EPG5: variants seen among roughly 807,000 people sequenced by gnomAD.
The protein encoded by EPG5 is ectopic P-granules 5 autophagy tethering factor.
Under a neutral mutation model 302.7 loss-of-function variants are expected in EPG5, and 159 were observed. That is an observed-to-expected ratio of 0.53 (90% CI 0.46 to 0.60). The LOEUF (loss-of-function observed/expected upper bound fraction) is 0.60. Among genes scored for constraint, EPG5 ranks in the 20% least tolerant of loss-of-function variants. The pLI, the probability that EPG5 is intolerant of heterozygous loss-of-function variation, is 0.00. For missense variants in EPG5, 2,896 were observed against 3,092.4 expected (o/e 0.94, Z 1.51); for synonymous variants, 1,158 against 1,136.8 (o/e 1.02, Z -0.37).
At chr18:45,844,335 A>G (rs2048348802), downstream of EPG5, among the ~76,000 whole-genome samples, 1 of 152,150 alleles carries the variant, frequency 6.6e-6, no homozygotes. Context: ...AACGAATAAG[A>G]TCTAGTATTT....
chr18:45,938,745 C>T (rs1299693156), intron 10 of EPG5, among the ~76,000 whole-genome samples: 1 of 152,176 alleles, frequency 6.6e-6, no homozygotes, highest in African/African-American at 2.4e-5. Flanking sequence ...TCACCATCTC[C>T]GTTTTAGAAA....
intron 17 of EPG5, 138 bp downstream of exon 17, chr18:45,917,541 G>C: frequency 1.1e-6 from 1 of 889,798 alleles, no homozygotes; most frequent in Non-Finnish European, 1.8e-6. Context: ...TCTAAACTGG[G>C]GTGCAGAATA....
intron 27 of EPG5, among the ~76,000 whole-genome samples, chr18:45,891,498 C>CA (rs763632848): frequency 0.1 from 5,115 of 48,972 alleles, 326 homozygotes; most frequent in African/African-American, 0.26. Flanking sequence ...GACTCCGTCT[C>CA]AAAAAAAAAA....
At position 45,900,806 on chromosome 18, in the gene EPG5, C is replaced by A. The variant is rs12604880; in HGVS notation, c.4646+190G>T. Among the ~76,000 whole-genome samples, 32,195 of 152,076 alleles carry A rather than the reference C, an allele frequency of 0.21. 3,782 individuals carry two copies. Among genetic ancestry groups the A allele is most frequent in the Admixed American group, 0.32 (4,841 of 15,278 alleles). ...GTGAAATTGATAGTTGGTGAGAGTA[C>A]CACATAATTTCGATGTGAAATTATA... On this transcript the variant is annotated intron_variant, in intron 26 of 43. Transcript: ENST00000282041.
intron 25 of EPG5, among the ~76,000 whole-genome samples, chr18:45,902,399 A>G (rs1352410299): frequency 6.6e-6 from 1 of 152,256 alleles, no homozygotes; most frequent in Non-Finnish European, 1.5e-5. Context: ...TTCAAGCAAC[A>G]TAAGAGGCCA....
the EPG5 span, among the ~76,000 whole-genome samples, chr18:45,817,799 T>G: frequency 2.0e-5 from 3 of 152,202 alleles, no homozygotes; most frequent in Non-Finnish European, 2.9e-5. Flanking sequence ...ATTTCAGAAG[T>G]TACACACTGT....
intron 28 of EPG5, among the ~76,000 whole-genome samples, chr18:45,889,444 A>G (rs1243477464): frequency 2.0e-5 from 3 of 152,172 alleles, no homozygotes; most frequent in Non-Finnish European, 2.9e-5. Context: ...TCTCTCCACA[A>G]CTGAATTTCA....
intron 27 of EPG5, among the ~76,000 whole-genome samples, chr18:45,892,347 A>C (rs756188049): frequency 1.3e-5 from 2 of 152,220 alleles, no homozygotes; most frequent in Non-Finnish European, 2.9e-5. Flanking sequence ...AATTACAAGA[A>C]GTAGTAGACA....
chr18:45,936,032 AC>A (rs2050515654), intron 10 of EPG5, among the ~76,000 whole-genome samples: 1 of 152,040 alleles, frequency 6.6e-6, no homozygotes, highest in South Asian at 2.1e-4. Context: ...CAGAAAAACC[AC>A]CTGGAGACTT....
intron 17 of EPG5, among the ~76,000 whole-genome samples, chr18:45,917,023 G>T (rs2050048302): frequency 6.6e-6 from 1 of 152,136 alleles, no homozygotes; most frequent in Admixed American, 6.5e-5. Flanking sequence ...AACATCTCCG[G>T]GGGAGAAACC....
chr18:45,950,627 G>A (rs2050886832), intron 4 of EPG5, among the ~76,000 whole-genome samples: 1 of 152,122 alleles, frequency 6.6e-6, no homozygotes, highest in Non-Finnish European at 1.5e-5. Context: ...ATACATTTGG[G>A]GCTGAAACAT....
At chr18:45,903,735 G>A (rs2049679258) in intron 25 of EPG5, among the ~76,000 whole-genome samples, 2 of 152,078 alleles carry the variant, frequency 1.3e-5, no homozygotes, top group Admixed American at 6.6e-5. Context: ...AAGGGTTCTA[G>A]GTACAAAGGA....
the EPG5 span, among the ~76,000 whole-genome samples, chr18:45,836,302 T>C: frequency 6.6e-6 from 1 of 152,274 alleles, no homozygotes; most frequent in East Asian, 1.9e-4. Flanking sequence ...GAGGGTCACA[T>C]GACATGGTAT....
At chr18:45,890,811 G>C (rs530251935) in intron 27 of EPG5, among the ~76,000 whole-genome samples, 1 of 152,150 alleles carries the variant, frequency 6.6e-6, no homozygotes, top group East Asian at 1.9e-4. Context: ...GACAGCTGTG[G>C]GGGATATGGG....
intron 27 of EPG5, among the ~76,000 whole-genome samples, chr18:45,898,747 C>T (rs796470263): frequency 1.6e-4 from 25 of 152,200 alleles, no homozygotes; most frequent in African/African-American, 5.3e-4. Context: ...ACACTTGGAA[C>T]GGGCTGACCT....
intron 11 of EPG5, 47 bp downstream of exon 11, chr18:45,934,762 C>A: frequency 1.3e-6 from 2 of 1,553,318 alleles, no homozygotes; most frequent in South Asian, 2.4e-5. Flanking sequence ...AAGAGAAGCA[C>A]AAAAAGATAG....
In EPG5 at chr18:45,916,178, T is replaced by A. The variant is rs775323310; in HGVS notation, c.3413A>T (p.Asn1138Ile). 3 of 1,613,884 alleles carry A rather than the reference T, an allele frequency of 1.9e-6. No homozygotes were observed. The South Asian group carries it at 3.3e-5, about 18-fold the overall frequency. ...QAHISVSTQP[N>I]EVGPVAVLEF... ...CAACACAGCAACGGGGCCCACTTCA[T>A]TGGGCTGAGTGCTTACAGATATGTG... The change falls in exon 19 of 44, where the codon AAT (asparagine) becomes ATT (isoleucine). Residue 1138 changes from asparagine to isoleucine, a missense_variant. Physicochemically the swap from Asn to Ile is moderately radical, Grantham distance 149. Transcript: ENST00000282041.
At position 45,967,274 on chromosome 18, in the gene EPG5, G is replaced by A. The variant is rs2051288632; in HGVS notation, c.-35C>T. On this transcript the variant is annotated 5_prime_UTR_variant, in exon 1 of 44. Coordinates refer to ENST00000282041, the MANE Select transcript of EPG5 (RefSeq NM_020964.3). ...CGCGGCGCCGTCACCGTTTGTTTTTGTCAAACCCCTGCGCTTCAAGCAACC... is the reference window on the plus strand; with the variant it reads ...CGCGGCGCCGTCACCGTTTGTTTTTATCAAACCCCTGCGCTTCAAGCAACC... 4 of 1,553,022 alleles carry A rather than the reference G, an allele frequency of 2.6e-6. No homozygotes were observed. Among genetic ancestry groups the A allele is most frequent in the Non-Finnish European group, 3.5e-6 (4 of 1,148,206 alleles).
chr18:45,954,600 A>C lies in EPG5; in HGVS notation c.802T>G (p.Trp268Gly). ...AAATATGACTCAACATTTTCCAGCC[A>C]TGAACCAGGCTCCAAGATTTTTAGC... ...EQLKILEPGS[W>G]LENVESYLEE... Residue 268 changes from tryptophan (W) to glycine (G), a missense_variant, in exon 2 of 44, where the codon TGG becomes GGG. Physicochemically the swap from Trp to Gly is radical, Grantham distance 184. This residue lies in a region of EPG5 where 1,390 missense variants were observed against 1,430.0 expected (regional missense o/e 0.97). Transcript: ENST00000282041. 2 of 1,614,274 alleles carry C rather than the reference A, an allele frequency of 1.2e-6. No homozygotes were observed. Among genetic ancestry groups the C allele is most frequent in the Non-Finnish European group, 1.7e-6 (2 of 1,180,048 alleles).
Sources: allele counts gnomAD v4.1 joint callset (sites outside exome capture counted in the v4.1 genomes callset), GRCh38; gene constraint gnomAD v4.1.1; regional missense constraint gnomAD v4.1.1; transcripts MANE v1.5; gene names NCBI Gene and HGNC (gene_info 2026-07-23, HGNC 2026-07-21).